The following PARP4 variants were observed in gnomAD, a reference collection of about 807,000 sequenced individuals.
PARP4 encodes the protein poly(ADP-ribose) polymerase family member 4.
A neutral mutation model predicts 187.7 loss-of-function variants in PARP4; 120 were observed. The observed-to-expected ratio is 0.64, with a 90% CI of 0.55 to 0.74. PARP4 has a LOEUF of 0.74. Among genes scored for constraint, PARP4 ranks in the 30% least tolerant of loss-of-function variants. The pLI, the probability that PARP4 is intolerant of heterozygous loss-of-function variation, is 0.00. For missense variants in PARP4, 1,836 were observed against 2,070.5 expected (o/e 0.89, Z 2.20); for synonymous variants, 654 against 740.9 (o/e 0.88, Z 1.90).
intron 10 of PARP4, 86 bp from the exon 11 acceptor site, chr13:24,486,391 T>C: frequency 1.2e-6 from 1 of 829,566 alleles, no homozygotes; most frequent in African/African-American, 1.7e-5. Context: ...CCCAAAAGAG[T>C]CCAAATGTCC....
At chr13:24,501,469 A>G (rs1869276759) in intron 3 of PARP4, among the ~76,000 whole-genome samples, 164 bp downstream of exon 3, 1 of 152,184 alleles carries the variant, frequency 6.6e-6, no homozygotes, top group South Asian at 2.1e-4. Flanking sequence ...CTAGTGCTAA[A>G]GTAGTCTTTT....
intron 33 of PARP4, 107 bp downstream of exon 33, chr13:24,426,359 A>G: frequency 5.0e-6 from 4 of 804,224 alleles, no homozygotes; most frequent in South Asian, 3.9e-5. Flanking sequence ...CTTGCTACAT[A>G]CTTATAGTGT....
chr13:24,436,882 C>A (rs1870664662), intron 30 of PARP4, among the ~76,000 whole-genome samples: 1 of 151,866 alleles, frequency 6.6e-6, no homozygotes, highest in African/African-American at 2.4e-5. Context: ...CAAGTTTATA[C>A]CTGAATAATT....
chr13:24,469,642 C>T (rs971993073), intron 16 of PARP4, among the ~76,000 whole-genome samples: 18 of 152,134 alleles, frequency 1.2e-4, no homozygotes, highest in Non-Finnish European at 2.2e-4. Flanking sequence ...ATCACTCTTA[C>T]GGTGCCAAGG....
chr13:24,455,069 C>A lies in PARP4; in HGVS notation c.2706G>T (p.Ala902=). The A allele has an allele frequency of 4.3e-6, 7 of 1,612,748 alleles. No individual in the cohort carries two copies. Among genetic ancestry groups the A allele is most frequent in the South Asian group, 3.3e-5 (3 of 90,980 alleles). The change falls in exon 22 of 34, where the codon GCG becomes GCT. Residue 902 remains alanine, a synonymous_variant. Transcript: ENST00000381989. The stretch of plus-strand genomic sequence containing the variant: ...TCTGCTTCTCACCCACCAAGGACAG[C>A]GCATGCAAGGCGATTTGCTTGGCTT... The part of the protein sequence containing the change: ...FLQAKQIALH[A]LSLVGEKQKV...
At chr13:24,494,896 G>T (rs1868863173) in intron 6 of PARP4, among the ~76,000 whole-genome samples, 174 bp from the exon 7 acceptor site, 1 of 143,862 alleles carries the variant, frequency 7.0e-6, no homozygotes, top group Non-Finnish European at 1.5e-5. Flanking sequence ...TTTTGAGACA[G>T]GGTCTTGCTC....
intron 7 of PARP4, 79 bp downstream of exon 7, chr13:24,494,492 CCA>C (rs1868832261): frequency 1.5e-6 from 2 of 1,297,664 alleles, no homozygotes; most frequent in South Asian, 1.3e-5. Context: ...GAAGCCTGGC[CCA>C]GTCTTTTATT....
At chr13:24,426,353 C>G in intron 33 of PARP4, 113 bp downstream of exon 33, 2 of 767,860 alleles carry the variant, frequency 2.6e-6, no homozygotes, top group Non-Finnish European at 4.0e-6. Flanking sequence ...AATTCTCTTG[C>G]TACATACTTA....
intron 6 of PARP4, among the ~76,000 whole-genome samples, chr13:24,495,217 A>G (rs1868881458): frequency 6.6e-6 from 1 of 152,224 alleles, no homozygotes; most frequent in South Asian, 2.1e-4. Context: ...ACCTGGAGGT[A>G]GAGGGGAAAA....
intron 10 of PARP4, among the ~76,000 whole-genome samples, chr13:24,488,663 T>C (rs1230123368): frequency 1.3e-5 from 2 of 152,176 alleles, no homozygotes; most frequent in African/African-American, 4.8e-5. Context: ...CCGGACTTTT[T>C]AAAAATTAAA....
In PARP4 at chr13:24,473,519, AGAG is replaced by A. The variant is rs1261248647; in HGVS notation, c.1914+1950_1914+1952del. On this transcript the variant is annotated intron_variant, in intron 15 of 33. Coordinates refer to ENST00000381989, the MANE Select transcript of PARP4 (RefSeq NM_006437.4). Reference sequence around the variant, plus strand: ...TGCAATAAAACATAGAGAAGGGTATAGAGAAGGAAGCAGTTCCAGCAATTCCCC... The same window carrying A: ...TGCAATAAAACATAGAGAAGGGTATAAAGGAAGCAGTTCCAGCAATTCCCC... Among the ~76,000 whole-genome samples, 286 of 152,338 alleles carry A rather than the reference AGAG, an allele frequency of 1.9e-3. 1 individual carries two copies. The highest frequency in any genetic ancestry group is 6.3e-3 in the African/African-American group (264 of 41,578).
intron 1 of PARP4, among the ~76,000 whole-genome samples, chr13:24,505,013 T>TTTC (rs1555241429): frequency 6.6e-6 from 1 of 150,590 alleles, no homozygotes; most frequent in Non-Finnish European, 1.5e-5. Flanking sequence ...CTTTTTTTTT[T>TTTC]TTTTTTTTGA....
At chr13:24,427,341 A>T (rs569477127) in intron 32 of PARP4, among the ~76,000 whole-genome samples, 27 of 150,926 alleles carry the variant, frequency 1.8e-4, no homozygotes, top group Non-Finnish European at 3.5e-4. Context: ...TCAATTAACA[A>T]CCCATTTTCA....
intron 31 of PARP4, among the ~76,000 whole-genome samples, chr13:24,432,285 T>C (rs747751908): frequency 6.6e-6 from 1 of 152,218 alleles, no homozygotes; most frequent in Admixed American, 6.5e-5. Flanking sequence ...CCCTACTGGG[T>C]TGTCAACTAG....
intron 10 of PARP4, 69 bp downstream of exon 10, chr13:24,490,599 T>A (rs1349250099): frequency 1.1e-5 from 13 of 1,167,262 alleles, no homozygotes; most frequent in Admixed American, 7.8e-5. Context: ...TTACTGTAAT[T>A]AGCTCTTTAA....
intron 27 of PARP4, 47 bp from the exon 28 acceptor site, chr13:24,443,777 T>C (rs1015808207): frequency 7.8e-7 from 1 of 1,277,790 alleles, no homozygotes; most frequent in Non-Finnish European, 1.1e-6. Context: ...TGGCTTCTAA[T>C]ATAAGACTTG....
At chr13:24,510,213 C>A (rs1035389699) in intron 1 of PARP4, among the ~76,000 whole-genome samples, 2 of 152,114 alleles carry the variant, frequency 1.3e-5, no homozygotes. Flanking sequence ...ATAAGCTTTG[C>A]GTTTATTTCA....
chr13:24,456,008 CTTAT>C (rs1332443866), intron 21 of PARP4, among the ~76,000 whole-genome samples: 4 of 152,018 alleles, frequency 2.6e-5, no homozygotes, highest in African/African-American at 4.8e-5. Context: ...CAAATAACTG[CTTAT>C]TTGTTTTTCC....
At chr13:24,509,698 G>T (rs998818557) in intron 1 of PARP4, among the ~76,000 whole-genome samples, 14 of 151,580 alleles carry the variant, frequency 9.2e-5, no homozygotes, top group Non-Finnish European at 2.1e-4. Flanking sequence ...CCCCACTGTT[G>T]ATTTTTATTT....
Sources: gnomAD v4.1 joint callset for allele counts (sites outside exome capture counted in the v4.1 genomes callset) on GRCh38, gnomAD v4.1.1 for gene constraint, MANE v1.5 for transcripts, NCBI Gene and HGNC (gene_info 2026-07-23, HGNC 2026-07-21) for gene names.